Variants in KCNK10 observed in about 807,000 individuals in gnomAD.
KCNK10 encodes the protein potassium channel subfamily K member 10.
KCNK10 carries 25 observed loss-of-function variants against 47.7 expected under a neutral mutation model. The observed-to-expected ratio is 0.52, with a 90% CI of 0.38 to 0.73. The LOEUF (loss-of-function observed/expected upper bound fraction) is 0.73. Among genes scored for constraint, KCNK10 ranks in the 30% least tolerant of loss-of-function variants. The pLI is 0.00. For synonymous variants in KCNK10, 303 were observed against 285.6 expected (o/e 1.06, Z -0.61); for missense variants, 563 against 714.5 (o/e 0.79, Z 2.42).
At chr14:88,277,454 G>T (rs1219302864) in intron 1 of KCNK10, among the ~76,000 whole-genome samples, 2 of 152,222 alleles carry the variant, frequency 1.3e-5, no homozygotes, top group Non-Finnish European at 2.9e-5. Flanking sequence ...GAGGCTGGGA[G>T]TGGGCGCAGG....
intron 1 of KCNK10, among the ~76,000 whole-genome samples, chr14:88,281,183 G>C (rs1887642304): frequency 6.6e-6 from 1 of 152,058 alleles, no homozygotes; most frequent in Non-Finnish European, 1.5e-5. Flanking sequence ...TTTCTGCCTG[G>C]AAGGCCTGTC....
chr14:88,212,109 A>AATAT (rs34318518), intron 4 of KCNK10, among the ~76,000 whole-genome samples: 3,389 of 133,220 alleles, frequency 0.025, 128 homozygotes, highest in African/African-American at 0.04. Flanking sequence ...TGATAGTGAG[A>AATAT]ATATATATAT....
chr14:88,279,206 A>G (rs944261879), intron 1 of KCNK10, among the ~76,000 whole-genome samples: 1 of 152,314 alleles, frequency 6.6e-6, no homozygotes, highest in East Asian at 1.9e-4. Context: ...TCAGCATCCT[A>G]TGCTCTAAGG....
chr14:88,210,413 T>C (rs1025118887), intron 4 of KCNK10, among the ~76,000 whole-genome samples: 1 of 152,252 alleles, frequency 6.6e-6, no homozygotes, highest in Admixed American at 6.5e-5. Flanking sequence ...TCGATAATTG[T>C]TTATCAAGTT....
intron 4 of KCNK10, among the ~76,000 whole-genome samples, chr14:88,209,921 T>C (rs907339419): frequency 2.0e-5 from 3 of 152,184 alleles, no homozygotes; most frequent in African/African-American, 4.8e-5. Flanking sequence ...CACAGTAACA[T>C]TTAGCTTTAA....
chr14:88,223,210 C>G (rs534644137), intron 4 of KCNK10, among the ~76,000 whole-genome samples: 1 of 152,222 alleles, frequency 6.6e-6, no homozygotes, highest in South Asian at 2.1e-4. Context: ...ACTGACTGTC[C>G]AACCTTGGAC....
chr14:88,308,896 C>G (rs180799641), intron 1 of KCNK10, among the ~76,000 whole-genome samples: 1 of 152,170 alleles, frequency 6.6e-6, no homozygotes, highest in Admixed American at 6.5e-5. Context: ...TTTTGCCAAG[C>G]AATGGAATAT....
At chr14:88,311,353 A>C (rs768019881) in intron 1 of KCNK10, among the ~76,000 whole-genome samples, 11 of 152,134 alleles carry the variant, frequency 7.2e-5, no homozygotes. Flanking sequence ...AGAGTTCCTT[A>C]GTAAGTAAGA....
intron 1 of KCNK10, among the ~76,000 whole-genome samples, chr14:88,272,197 C>T (rs896193447): frequency 1.3e-5 from 2 of 152,144 alleles, no homozygotes; most frequent in East Asian, 1.9e-4. Context: ...ATAAAATGTA[C>T]GGCATGTTGC....
intron 1 of KCNK10, among the ~76,000 whole-genome samples, chr14:88,280,484 T>C (rs757345272): frequency 3.2e-4 from 48 of 152,304 alleles, no homozygotes; most frequent in South Asian, 2.1e-4. Flanking sequence ...AGACCCAAAA[T>C]GTCCTTGGAA....
chr14:88,279,678 A>G (rs1303050884), intron 1 of KCNK10, among the ~76,000 whole-genome samples: 1 of 152,070 alleles, frequency 6.6e-6, no homozygotes, highest in South Asian at 2.1e-4. Context: ...GGACAGGAGG[A>G]GCACAACCAT....
At chr14:88,306,151 A>C (rs1011995812) in intron 1 of KCNK10, among the ~76,000 whole-genome samples, 6 of 152,216 alleles carry the variant, frequency 3.9e-5, no homozygotes, top group Non-Finnish European at 8.8e-5. Context: ...GCTGCTGCTG[A>C]AAGTCTTACA....
intron 1 of KCNK10, among the ~76,000 whole-genome samples, chr14:88,266,123 C>T (rs905388135): frequency 6.6e-6 from 1 of 152,212 alleles, no homozygotes; most frequent in African/African-American, 2.4e-5. Context: ...CTCTGCACCC[C>T]TAGTGTTCTG....
chr14:88,257,811 T>A, intron 2 of KCNK10, among the ~76,000 whole-genome samples: 1 of 152,252 alleles, frequency 6.6e-6, no homozygotes, highest in Admixed American at 6.5e-5. Context: ...TTCAGATAGC[T>A]CTATTCCAAA....
In KCNK10 at chr14:88,236,303, C is replaced by A. The variant is rs931993301; in HGVS notation, c.520+4400G>T. Among the ~76,000 whole-genome samples the A allele has an allele frequency of 3.6e-5, 5 of 138,024 alleles. No homozygotes were observed. In the East Asian group the frequency reaches 1.0e-3, roughly 28 times the overall value. 90.5% of individuals were successfully genotyped at this position (138,024 alleles called of 152,430 possible). A position where few individuals can be genotyped will look rare whatever the true frequency, so the allele number is the denominator to read the frequency against. On this transcript the variant is annotated intron_variant, in intron 3 of 6. Coordinates refer to ENST00000319231, the MANE Select transcript of KCNK10 (RefSeq NM_138317.3). ...CTGTACTCCAGCCTGGACAACAGAG[C>A]AAGACCCAGTCTCAAAAAAAAAAAA...
At chr14:88,325,256 C>T (rs553077580), upstream of KCNK10, among the ~76,000 whole-genome samples, 1 of 152,304 alleles carries the variant, frequency 6.6e-6, no homozygotes, top group East Asian at 1.9e-4. Context: ...TGTTCACGGA[C>T]AGCTGGACTC....
intron 2 of KCNK10, among the ~76,000 whole-genome samples, chr14:88,255,114 G>C (rs1886910652): frequency 1.3e-5 from 2 of 152,282 alleles, no homozygotes; most frequent in East Asian, 1.9e-4. Context: ...CACGTGGAGT[G>C]CTATAGCACC....
intron 1 of KCNK10, among the ~76,000 whole-genome samples, chr14:88,303,411 T>C (rs1888143174): frequency 6.6e-6 from 1 of 151,876 alleles, no homozygotes; most frequent in Admixed American, 6.6e-5. Context: ...CATAAAGTGG[T>C]GGTGGCTTGG....
chr14:88,192,146 T>A (rs754261653), intron 5 of KCNK10, 78 bp downstream of exon 5: 31 of 1,365,032 alleles, frequency 2.3e-5, no homozygotes, highest in Non-Finnish European at 3.0e-5. Flanking sequence ...CAACATCTTT[T>A]ATCGATTGCG....
Sources: gnomAD v4.1 joint callset for allele counts (sites outside exome capture counted in the v4.1 genomes callset) on GRCh38, gnomAD v4.1.1 for gene constraint, MANE v1.5 for transcripts, NCBI Gene and HGNC (gene_info 2026-07-23, HGNC 2026-07-21) for gene names.